MAN1A2: variants seen among roughly 807,000 people sequenced by gnomAD.
MAN1A2 encodes the protein mannosyl-oligosaccharide 1,2-alpha-mannosidase IB.
A neutral mutation model predicts 75.7 loss-of-function variants in MAN1A2; 26 were observed. The ratio of observed to expected loss-of-function variants is 0.34; its 90% confidence interval spans 0.25 to 0.48. The LOEUF is 0.48. Ranked by LOEUF, MAN1A2 falls within the 20% of genes least tolerant of loss-of-function variation. The pLI, the probability that MAN1A2 is intolerant of heterozygous loss-of-function variation, is 0.99. For missense variants in MAN1A2, 562 were observed against 775.5 expected (o/e 0.72, Z 3.27); for synonymous variants, 247 against 264.6 (o/e 0.93, Z 0.65).
intron 5 of MAN1A2, among the ~76,000 whole-genome samples, chr1:117,431,045 C>A (rs1648623937): frequency 7.4e-6 from 1 of 135,750 alleles, no homozygotes; most frequent in Non-Finnish European, 1.6e-5. Flanking sequence ...CCGTCTCCAC[C>A]AAAACCAGTC....
intron 1 of MAN1A2, among the ~76,000 whole-genome samples, chr1:117,378,429 G>A (rs1031969217): frequency 3.3e-5 from 5 of 151,978 alleles, no homozygotes; most frequent in African/African-American, 1.2e-4. Flanking sequence ...TTGGGCTCTG[G>A]TTCAATTATA....
intron 1 of MAN1A2, among the ~76,000 whole-genome samples, chr1:117,384,776 A>G (rs936838821): frequency 6.6e-6 from 1 of 152,064 alleles, no homozygotes. Context: ...TATAGTTTTT[A>G]TATCTTCTAA....
At chr1:117,436,514 T>C (rs1648854153) in intron 5 of MAN1A2, among the ~76,000 whole-genome samples, 1 of 152,202 alleles carries the variant, frequency 6.6e-6, no homozygotes, top group Non-Finnish European at 1.5e-5. Flanking sequence ...AGAAAAGCAA[T>C]CCAGCACTGG....
intron 5 of MAN1A2, among the ~76,000 whole-genome samples, chr1:117,421,833 T>A (rs142408176): frequency 6.6e-6 from 1 of 152,230 alleles, no homozygotes; most frequent in Non-Finnish European, 1.5e-5. Flanking sequence ...TATCAAACTT[T>A]AGTATGTATT....
Position 117,470,608 on chromosome 1 carries a change from T to C in MAN1A2, c.1168+4181T>C, listed in dbSNP as rs150203754. Among the ~76,000 whole-genome samples the C allele has an allele frequency of 8.0e-4, 122 of 152,182 alleles. 1 individual carries two copies. Among genetic ancestry groups the C allele is most frequent in the African/African-American group, 2.6e-3 (108 of 41,578 alleles). On this transcript the variant is annotated intron_variant, in intron 8 of 12. Coordinates refer to ENST00000356554, the MANE Select transcript of MAN1A2 (RefSeq NM_006699.5). ...TCAGCAGTTTTTAATTTCAGTGTTA[T>C]AGAAAGAGCTATTCACTGGTTATTT...
intron 1 of MAN1A2, among the ~76,000 whole-genome samples, chr1:117,378,263 A>G (rs771214950): frequency 1.3e-5 from 2 of 152,192 alleles, no homozygotes; most frequent in Non-Finnish European, 2.9e-5. Flanking sequence ...GTAAATTCCT[A>G]TACTGAGTTG....
intron 9 of MAN1A2, chr1:117,494,338 A>C (rs576280570): frequency 6.6e-6 from 1 of 152,222 alleles, no homozygotes; most frequent in South Asian, 2.1e-4. Context: ...TGTGTTTAGC[A>C]GGTTATTAGC....
intron 12 of MAN1A2, among the ~76,000 whole-genome samples, chr1:117,514,361 CAAAAA>C (rs11335667): frequency 7.2e-6 from 1 of 139,286 alleles, no homozygotes; most frequent in Non-Finnish European, 1.5e-5. Context: ...GACTCCATCT[CAAAAA>C]AAAAAAAAAG....
At chr1:117,426,999 G>C (rs1397058233) in intron 5 of MAN1A2, among the ~76,000 whole-genome samples, 2 of 152,096 alleles carry the variant, frequency 1.3e-5, no homozygotes, top group East Asian at 3.8e-4. Flanking sequence ...CTCATTGTTA[G>C]ATTTTGAGTT....
chr1:117,459,991 A>G (rs1649763624), intron 6 of MAN1A2, among the ~76,000 whole-genome samples: 1 of 151,806 alleles, frequency 6.6e-6, no homozygotes, highest in African/African-American at 2.4e-5. Context: ...AAATGCTCCC[A>G]CACATTTTCA....
chr1:117,415,859 C>T (rs1436904813), intron 4 of MAN1A2, among the ~76,000 whole-genome samples: 1 of 152,050 alleles, frequency 6.6e-6, no homozygotes, highest in African/African-American at 2.4e-5. Flanking sequence ...TGTGACTGTT[C>T]TCTAAGAAGA....
intron 1 of MAN1A2, among the ~76,000 whole-genome samples, chr1:117,391,786 C>T (rs1653728522): frequency 6.6e-6 from 1 of 152,204 alleles, no homozygotes; most frequent in South Asian, 2.1e-4. Context: ...CTCTTTCTCA[C>T]TCCTTCCCTT....
rs6685051 is a variant in MAN1A2, at chr1:117,475,054, G to A, written c.1168+8627G>A. ...GAATTCCACTGTATGGAATACCATAGTTTGTTTATCCATTCTCCTGTTGAT... is the reference window on the plus strand; with the variant it reads ...GAATTCCACTGTATGGAATACCATAATTTGTTTATCCATTCTCCTGTTGAT... On this transcript the variant is annotated intron_variant, in intron 8 of 12. Coordinates refer to ENST00000356554, the MANE Select transcript of MAN1A2 (RefSeq NM_006699.5). 6.2e-3 allele frequency among the ~76,000 whole-genome samples: 944 copies of A among 152,072 alleles called. 8 individuals carry two copies. Among genetic ancestry groups the A allele is most frequent in the African/African-American group, 0.022 (904 of 41,518 alleles).
At chr1:117,406,997 C>T (rs1647637868) in intron 3 of MAN1A2, among the ~76,000 whole-genome samples, 1 of 151,932 alleles carries the variant, frequency 6.6e-6, no homozygotes. Context: ...GATACTGGTC[C>T]TATCTGTTTA....
At chr1:117,484,625 AAG>A (rs1167924477) in intron 8 of MAN1A2, among the ~76,000 whole-genome samples, 3 of 152,004 alleles carry the variant, frequency 2.0e-5, no homozygotes, top group East Asian at 1.9e-4. Flanking sequence ...GCATAGCAAA[AAG>A]AGGTGTCTGT....
intron 6 of MAN1A2, among the ~76,000 whole-genome samples, chr1:117,452,660 T>C (rs2101826246): frequency 6.6e-6 from 1 of 152,304 alleles, no homozygotes; most frequent in East Asian, 1.9e-4. Flanking sequence ...CAGAAGAGTT[T>C]GAGGCTTACA....
rs561570612 is a variant in MAN1A2, at chr1:117,528,833, G to C, written c.*5876G>C. 17 of 152,002 alleles carry C rather than the reference G, an allele frequency of 1.1e-4. No individual in the cohort carries two copies. Among genetic ancestry groups the C allele is most frequent in the Non-Finnish European group, 2.1e-4 (14 of 67,978 alleles). 9.4% of individuals were successfully genotyped at this position (152,002 alleles called of 1,614,324 possible). A position where few individuals can be genotyped will look rare whatever the true frequency, so the allele number is the denominator to read the frequency against. ...ATTTTTATAAATTAAAGGTAATATT[G>C]TATATTAAAGTTCAAATAAAGATGT... is the stretch of plus-strand genomic sequence containing the variant. On this transcript the variant is annotated 3_prime_UTR_variant, in exon 13 of 13. Transcript: ENST00000356554.
intron 1 of MAN1A2, among the ~76,000 whole-genome samples, chr1:117,400,909 G>A (rs1038278412): frequency 5.3e-5 from 8 of 151,912 alleles, no homozygotes; most frequent in Non-Finnish European, 1.2e-4. Flanking sequence ...CAATTCAGTA[G>A]CATTAAATAC....
chr1:117,468,429 G>A (rs12128776), intron 8 of MAN1A2, among the ~76,000 whole-genome samples: 17,101 of 151,996 alleles, frequency 0.11, 1,055 homozygotes, highest in Non-Finnish European at 0.14. Flanking sequence ...ATAATCTTGG[G>A]GTTGTTTATA....
Sources: gnomAD v4.1 joint callset for allele counts (sites outside exome capture counted in the v4.1 genomes callset) on GRCh38, gnomAD v4.1.1 for gene constraint, MANE v1.5 for transcripts, NCBI Gene and HGNC (gene_info 2026-07-23, HGNC 2026-07-21) for gene names.